Variants in DMD observed in about 807,000 individuals in gnomAD.
DMD encodes the protein mutant dystrophin.
DMD carries 63 observed loss-of-function variants against 330.1 expected under a neutral mutation model. That is an observed-to-expected ratio of 0.19 (90% CI 0.16 to 0.24). The LOEUF (loss-of-function observed/expected upper bound fraction) is 0.24. Among genes scored for constraint, DMD ranks in the 10% least tolerant of loss-of-function variants. The probability of loss-of-function intolerance (pLI) is 1.00; values close to 1 mark genes in which losing one functional copy is unlikely to be tolerated. For missense variants in DMD, 3,344 were observed against 2,684.1 expected, an observed-to-expected ratio of 1.25 and a Z score of -5.43; for synonymous variants, 1,223 against 959.8, an observed-to-expected ratio of 1.27 and a Z score of -5.07.
intron 1 of DMD, among the ~76,000 whole-genome samples, chrX:33,225,786 A>G (rs1388552211): frequency 9.0e-6 from 1 of 110,930 alleles, no homozygotes; most frequent in Non-Finnish European, 1.9e-5. Flanking sequence ...CAGGCTGCAC[A>G]TCGAGAAAAA....
intron 44 of DMD, among the ~76,000 whole-genome samples, chrX:32,069,660 C>T (rs1026057016): frequency 1.8e-5 from 2 of 111,822 alleles, no homozygotes; most frequent in African/African-American, 6.5e-5. Context: ...CATACAATTT[C>T]ACTCATTTAA....
chrX:31,713,384 C>T (rs2084789381), intron 52 of DMD, among the ~76,000 whole-genome samples: 1 of 111,610 alleles, frequency 9.0e-6, no homozygotes, highest in African/African-American at 3.3e-5. Context: ...TCTCATGCAG[C>T]CAAATATTTT....
chrX:31,550,829 C>A (rs2074430635), intron 55 of DMD, among the ~76,000 whole-genome samples: 1 of 111,465 alleles, frequency 9.0e-6, no homozygotes, highest in Non-Finnish European at 1.9e-5. Context: ...CTGAGGTGAT[C>A]CTAGGAAACA....
At chrX:32,562,110 G>A (rs1037100436) in intron 16 of DMD, among the ~76,000 whole-genome samples, 1 of 111,995 alleles carries the variant, frequency 8.9e-6, no homozygotes, top group Non-Finnish European at 1.9e-5. Context: ...AAAAATTACA[G>A]GGAATCATGA....
chrX:32,521,457 A>T (rs1002321607), intron 17 of DMD, among the ~76,000 whole-genome samples: 4 of 105,263 alleles, frequency 3.8e-5, no homozygotes, highest in Admixed American at 2.0e-4. Context: ...ATCATTATGT[A>T]CTAGATGTCA....
chrX:32,580,211 C>G (rs2053512423), intron 13 of DMD, among the ~76,000 whole-genome samples: 1 of 111,173 alleles, frequency 9.0e-6, no homozygotes, highest in South Asian at 3.8e-4. Context: ...TTATACCTCG[C>G]AGACTCTGAG....
At chrX:31,346,171 G>A (rs1476561455) in intron 61 of DMD, among the ~76,000 whole-genome samples, 1 of 111,322 alleles carries the variant, frequency 9.0e-6, no homozygotes, top group Non-Finnish European at 1.9e-5. Context: ...ATTACAGTGC[G>A]ATGCTTAAAA....
intron 44 of DMD, among the ~76,000 whole-genome samples, chrX:32,059,420 A>C (rs903542534): frequency 9.0e-6 from 1 of 111,454 alleles, no homozygotes; most frequent in African/African-American, 3.3e-5. Flanking sequence ...TGGGAGCACC[A>C]TAAACACATA....
At position 31,273,319 on chromosome X, in the gene DMD, G is replaced by A. The variant is rs759678971; in HGVS notation, c.9225-12303C>T. Among the ~76,000 whole-genome samples, 273 of 111,787 alleles carry A rather than the reference G, an allele frequency of 2.4e-3. 2 individuals carry two copies. Among genetic ancestry groups the A allele is most frequent in the Non-Finnish European group, 4.0e-3 (215 of 53,161 alleles). ...CCTGTCACTTTTCTTGAAACAAGTC[G>A]TAGGACTTACCCACAAGAAAATACT... On this transcript the variant is annotated intron_variant, in intron 62 of 78. Transcript: ENST00000357033.
chrX:31,228,262 A>AT (rs1219702125), intron 63 of DMD, among the ~76,000 whole-genome samples: 2 of 65,357 alleles, frequency 3.1e-5, no homozygotes, highest in East Asian at 7.6e-4. Context: ...ATAATAAAAA[A>AT]AAAATAAAAA....
At chrX:33,087,890 C>T (rs1045818610) in intron 1 of DMD, among the ~76,000 whole-genome samples, 1 of 110,761 alleles carries the variant, frequency 9.0e-6, no homozygotes, top group Non-Finnish European at 1.9e-5. Context: ...CCTCTGCTTA[C>T]GATGAATTTT....
intron 55 of DMD, among the ~76,000 whole-genome samples, chrX:31,582,263 A>T (rs993425867): frequency 9.0e-6 from 1 of 111,516 alleles, no homozygotes; most frequent in African/African-American, 3.3e-5. Context: ...TTCGTTGAGG[A>T]TGGGAAGTTG....
intron 1 of DMD, among the ~76,000 whole-genome samples, chrX:33,069,365 C>T (rs1405187732): frequency 9.0e-6 from 1 of 111,497 alleles, no homozygotes; most frequent in Admixed American, 9.7e-5. Context: ...AGGATGTTCA[C>T]GTTGATTTAT....
chrX:31,699,996 G>C (rs1354927277), intron 52 of DMD, among the ~76,000 whole-genome samples: 1 of 110,777 alleles, frequency 9.0e-6, no homozygotes, highest in African/African-American at 3.3e-5. Flanking sequence ...GATCAACCTG[G>C]CCAAGATGGT....
chrX:32,456,370 G>A (rs1412728715), intron 25 of DMD, among the ~76,000 whole-genome samples: 2 of 110,889 alleles, frequency 1.8e-5, no homozygotes, highest in East Asian at 5.7e-4. Context: ...GTTATTTTGT[G>A]CAGTCAATGA....
At chrX:32,618,131 G>A (rs1196794075) in intron 11 of DMD, among the ~76,000 whole-genome samples, 20 of 111,825 alleles carry the variant, frequency 1.8e-4, no homozygotes, top group African/African-American at 6.2e-4. Context: ...CCTCAAAACA[G>A]AACTACCATT....
chrX:31,714,813 G>T (rs1021410705), intron 52 of DMD, among the ~76,000 whole-genome samples: 1 of 111,672 alleles, frequency 9.0e-6, no homozygotes, highest in Non-Finnish European at 1.9e-5. Flanking sequence ...AAGGAACTCC[G>T]AAGTGCCCTA....
intron 1 of DMD, among the ~76,000 whole-genome samples, chrX:33,256,194 C>T (rs1304784411): frequency 9.0e-6 from 1 of 111,095 alleles, no homozygotes; most frequent in African/African-American, 3.2e-5. Context: ...AGCTAGCATG[C>T]TATACATCAT....
chrX:33,053,406 C>T (rs2094480838), intron 1 of DMD, among the ~76,000 whole-genome samples: 1 of 109,832 alleles, frequency 9.1e-6, no homozygotes. Context: ...CCAGCCTGGC[C>T]AATATGGTGA....
Sources: gnomAD v4.1 joint callset for allele counts (sites outside exome capture counted in the v4.1 genomes callset) on GRCh38, gnomAD v4.1.1 for gene constraint, MANE v1.5 for transcripts, NCBI Gene and HGNC (gene_info 2026-07-23, HGNC 2026-07-21) for gene names.